ZFR2: variants seen among roughly 807,000 people sequenced by gnomAD.
ZFR2 encodes the protein zinc finger RNA-binding protein 2.
ZFR2 carries 104 observed loss-of-function variants against 105.7 expected under a neutral mutation model. The ratio of observed to expected loss-of-function variants is 0.98; its 90% CI spans 0.84 to 1.16. The LOEUF (loss-of-function observed/expected upper bound fraction) is 1.16, where lower values mean the gene tolerates loss of function less well. Ranked by LOEUF, ZFR2 falls within the 50% of genes most tolerant of loss-of-function variation. ZFR2 has a pLI of 0.00. For synonymous variants in ZFR2, 634 were observed against 597.7 expected (o/e 1.06, Z -0.89); for missense variants, 1,425 against 1,355.5 (o/e 1.05, Z -0.80).
intron 1 of ZFR2, among the ~76,000 whole-genome samples, chr19:3,842,835 C>T (rs892468449): frequency 1.3e-5 from 2 of 151,798 alleles, no homozygotes; most frequent in African/African-American, 2.4e-5. Flanking sequence ...ATGTTGGTCA[C>T]GCTGGTCTCG....
rs73521124 is a variant in ZFR2 at position 3,810,591 on chromosome 19, C to T, written c.2433+159G>A. Among the ~76,000 whole-genome samples the T allele has an allele frequency of 7.2e-4, 109 of 152,378 alleles. 1 individual carries two copies. The highest frequency in any genetic ancestry group is 2.1e-4 in the South Asian group (1 of 4,830). On this transcript the variant is annotated intron_variant, in intron 16 of 18. Transcript: ENST00000262961. ...AGGCTGTGGAGAGGGCCGTCTCCCC[C>T]GCAAGGGGACCTCAGGGACTCCCAC... is the stretch of plus-strand genomic sequence containing the variant.
chr19:3,818,489 A>G (rs1323028686), intron 12 of ZFR2, among the ~76,000 whole-genome samples: 1 of 152,148 alleles, frequency 6.6e-6, no homozygotes, highest in Non-Finnish European at 1.5e-5. Context: ...AAACAAAAAA[A>G]CAACAACAAC....
At chr19:3,846,015 C>T (rs768088757) in intron 1 of ZFR2, among the ~76,000 whole-genome samples, 9 of 152,180 alleles carry the variant, frequency 5.9e-5, no homozygotes, top group East Asian at 3.8e-4. Flanking sequence ...CTTGCTCTGT[C>T]GCCAAGGCTG....
chr19:3,856,336 T>G (rs1191001266), intron 1 of ZFR2, among the ~76,000 whole-genome samples: 1 of 152,130 alleles, frequency 6.6e-6, no homozygotes, highest in Non-Finnish European at 1.5e-5. Flanking sequence ...GGGCCGAGAC[T>G]AGAGCTCCAG....
intron 1 of ZFR2, among the ~76,000 whole-genome samples, chr19:3,855,751 T>A (rs959646765): frequency 6.6e-6 from 1 of 151,940 alleles, no homozygotes; most frequent in Admixed American, 6.6e-5. Flanking sequence ...GGGCAGCGCA[T>A]TTGAGCAGAG....
chr19:3,862,593 TG>T (rs1433724868), intron 1 of ZFR2, among the ~76,000 whole-genome samples: 9 of 152,200 alleles, frequency 5.9e-5, no homozygotes, highest in African/African-American at 2.2e-4. Context: ...CCACCGTGCC[TG>T]GCCTAACTTT....
At chr19:3,855,293 T>G (rs957552743) in intron 1 of ZFR2, 1 of 1,007,344 alleles carries the variant, frequency 9.9e-7, no homozygotes, top group African/African-American at 1.7e-5. Context: ...GAGGCCATCT[T>G]CTGGCTAAGC....
intron 14 of ZFR2, among the ~76,000 whole-genome samples, chr19:3,812,088 C>T (rs1042339894): frequency 5.3e-5 from 8 of 152,024 alleles, no homozygotes; most frequent in South Asian, 2.1e-4. Flanking sequence ...GGATTACCGG[C>T]GCACGCCACC....
At chr19:3,849,086 G>A (rs1599249489) in intron 1 of ZFR2, among the ~76,000 whole-genome samples, 1 of 152,354 alleles carries the variant, frequency 6.6e-6, no homozygotes, top group East Asian at 1.9e-4. Context: ...GCTTTCTGGG[G>A]AGGAAGCTCC....
chr19:3,833,404 G>A (rs568631491), intron 3 of ZFR2: 292 of 332,592 alleles, frequency 8.8e-4, no homozygotes, highest in African/African-American at 1.7e-3. Context: ...GTGAAACCCC[G>A]TCTCTACTAA....
At chr19:3,807,745 C>CCTGT (rs60579560) in intron 17 of ZFR2, among the ~76,000 whole-genome samples, 32,785 of 147,290 alleles carry the variant, frequency 0.22, 4,901 homozygotes, top group African/African-American at 0.42. Context: ...TGCATGTGTG[C>CCTGT]CTGTGCATGC....
chr19:3,821,627 T>TC, intron 9 of ZFR2, 148 bp from the exon 10 acceptor site: 1 of 567,924 alleles, frequency 1.8e-6, no homozygotes, highest in Non-Finnish European at 2.5e-6. Context: ...TTTTTTTTTT[T>TC]TTCGAGACAG....
chr19:3,852,802 G>A (rs1361630454), intron 1 of ZFR2, among the ~76,000 whole-genome samples: 4 of 151,226 alleles, frequency 2.6e-5, no homozygotes, highest in Non-Finnish European at 5.9e-5. Flanking sequence ...CCAGGGCAGT[G>A]GTTCTCAAAG....
chr19:3,844,404 G>A (rs559788416), intron 1 of ZFR2, among the ~76,000 whole-genome samples: 1 of 151,144 alleles, frequency 6.6e-6, no homozygotes, highest in South Asian at 2.1e-4. Flanking sequence ...ATCTTGCTCT[G>A]TCACCCACAC....
chr19:3,805,847 A>C lies in ZFR2; in HGVS notation c.*102T>G, dbSNP rs1161508567. The C allele has an allele frequency of 2.9e-5, 38 of 1,314,116 alleles. No homozygotes were observed. The highest frequency in any genetic ancestry group is 3.7e-5 in the Non-Finnish European group (37 of 998,864). The allele number at this position is 1,314,116 out of a possible 1,614,324, so 81.4% of individuals were successfully genotyped here. A position where few individuals can be genotyped will look rare whatever the true frequency, so the allele number is the denominator to read the frequency against. On this transcript the variant is annotated 3_prime_UTR_variant, in exon 19 of 19. Coordinates refer to ENST00000262961, the MANE Select transcript of ZFR2 (RefSeq NM_015174.2). ...CCTACAGAGCGTTACTCAAAAGGAA[A>C]TGACCATTGTCCAACGTCGGGGATG...
chr19:3,821,273 G>C, intron 10 of ZFR2, 67 bp downstream of exon 10: 2 of 1,461,092 alleles, frequency 1.4e-6, no homozygotes, highest in East Asian at 2.5e-5. Context: ...AGCAGTGGGC[G>C]TCTAGGTTCC....
At chr19:3,867,472 G>A (rs559606865) in intron 1 of ZFR2, among the ~76,000 whole-genome samples, 93 of 152,076 alleles carry the variant, frequency 6.1e-4, no homozygotes, top group African/African-American at 2.1e-3. Flanking sequence ...AACTTACCCC[G>A]TGTGTGTCCC....
rs940219084 is a variant in ZFR2, at chr19:3,838,685, C to T, written c.54-3702G>A. Among the ~76,000 whole-genome samples the T allele has an allele frequency of 6.6e-6, 1 of 152,216 alleles. No homozygotes were observed. Among genetic ancestry groups the T allele is most frequent in the Non-Finnish European group, 1.5e-5 (1 of 68,040 alleles). The stretch of plus-strand genomic sequence containing the variant: ...CTATGGCTCCCGTCCCCGCTGCCTG[C>T]AAGTGGCTGCTCAGTGACACCCTGG... On this transcript the variant is annotated intron_variant, in intron 1 of 18. Coordinates refer to ENST00000262961, the MANE Select transcript of ZFR2 (RefSeq NM_015174.2). This position sits in a 1 kb window ranked among gnomAD's most constrained non-coding sequence, Gnocchi z 4.9.
chr19:3,824,389 T>C (rs2037927246), intron 7 of ZFR2, among the ~76,000 whole-genome samples: 1 of 152,172 alleles, frequency 6.6e-6, no homozygotes, highest in Non-Finnish European at 1.5e-5. Flanking sequence ...ACGCCTGGCA[T>C]GTAATCCTAG....
Sources: allele counts gnomAD v4.1 joint callset (sites outside exome capture counted in the v4.1 genomes callset), GRCh38; gene constraint gnomAD v4.1.1; non-coding constraint Gnocchi (gnomAD v3.1); transcripts MANE v1.5; gene names NCBI Gene and HGNC (gene_info 2026-07-23, HGNC 2026-07-21).